RNF180: variants seen among roughly 807,000 people sequenced by gnomAD.
The protein encoded by RNF180 is ring finger protein 180.
Under a neutral mutation model 59.2 loss-of-function variants are expected in RNF180, and 38 were observed. The ratio of observed to expected loss-of-function variants is 0.64; its 90% CI spans 0.50 to 0.84. The LOEUF (loss-of-function observed/expected upper bound fraction) is 0.84, where lower values mean the gene tolerates loss of function less well. RNF180 is among the 40% of genes least tolerant of loss of function. RNF180 has a pLI of 0.00. For missense variants in RNF180, 705 were observed against 700.9 expected (o/e 1.01, Z -0.07); for synonymous variants, 262 against 240.3 (o/e 1.09, Z -0.84).
intron 5 of RNF180, among the ~76,000 whole-genome samples, chr5:64,274,702 GT>G (rs1243812252): frequency 2.0e-5 from 3 of 151,914 alleles, no homozygotes; most frequent in Non-Finnish European, 4.4e-5. Flanking sequence ...AGTTCTCCTG[GT>G]GACTCTCTTT....
chr5:64,331,561 C>T lies in RNF180; in HGVS notation c.1579+1155C>T, dbSNP rs1327102855. Among the ~76,000 whole-genome samples the T allele has an allele frequency of 2.0e-5, 3 of 152,090 alleles. No homozygotes were observed. The South Asian group carries it at 6.2e-4, about 32-fold the overall frequency. ...GCTGTAGAGACAGCGGGACAACCTG[C>T]CTGTGAATAGGAGATACCCACTGTG... On this transcript the variant is annotated intron_variant, in intron 7 of 7. Coordinates refer to ENST00000389100, the MANE Select transcript of RNF180 (RefSeq NM_001113561.2).
intron 5 of RNF180, among the ~76,000 whole-genome samples, chr5:64,268,694 A>C (rs529207863): frequency 2.0e-4 from 31 of 152,302 alleles, no homozygotes; most frequent in African/African-American, 7.5e-4. Flanking sequence ...AATTTCCTTC[A>C]AATGCAAAAT....
intron 7 of RNF180, among the ~76,000 whole-genome samples, chr5:64,361,605 A>C (rs1746255008): frequency 6.6e-6 from 1 of 151,562 alleles, no homozygotes; most frequent in Non-Finnish European, 1.5e-5. Context: ...TATGTCTCTT[A>C]CTTTAAAATA....
At position 64,183,403 on chromosome 5, in the gene RNF180, T is replaced by G. The variant is rs1750710343; in HGVS notation, c.1-17405T>G. ...TCAAATATATGAAGGATATACCACTTTCTGGCCTATTGCCTATTAAAAAGG... is the reference window on the plus strand; with the variant it reads ...TCAAATATATGAAGGATATACCACTGTCTGGCCTATTGCCTATTAAAAAGG... On this transcript the variant is annotated intron_variant, in intron 1 of 7. Coordinates refer to ENST00000389100, the MANE Select transcript of RNF180 (RefSeq NM_001113561.2). Among the ~76,000 whole-genome samples, 3 of 152,000 alleles carry G rather than the reference T, an allele frequency of 2.0e-5. No individual in the cohort carries two copies. In the South Asian group the frequency reaches 6.2e-4, roughly 32 times the overall value.
chr5:64,342,494 G>C (rs1439777684), intron 7 of RNF180, among the ~76,000 whole-genome samples: 1 of 152,018 alleles, frequency 6.6e-6, no homozygotes, highest in Non-Finnish European at 1.5e-5. Context: ...GAGAGCTTTG[G>C]GAGTAAAAAA....
intron 5 of RNF180, among the ~76,000 whole-genome samples, chr5:64,275,285 A>AAGAATAAGATTTAG (rs1741652476): frequency 7.1e-6 from 1 of 141,704 alleles, no homozygotes; most frequent in Admixed American, 7.2e-5. Flanking sequence ...TATGAAAAAT[A>AAGAATAAGATTTAG]AGAATAAGAT....
At chr5:64,241,183 A>G (rs1742787165) in intron 5 of RNF180, among the ~76,000 whole-genome samples, 1 of 152,212 alleles carries the variant, frequency 6.6e-6, no homozygotes, top group Non-Finnish European at 1.5e-5. Context: ...CTTAGCACCT[A>G]TTTCCAGCCT....
chr5:64,245,197 G>T (rs1166153615), intron 5 of RNF180, among the ~76,000 whole-genome samples: 1 of 152,132 alleles, frequency 6.6e-6, no homozygotes, highest in Non-Finnish European at 1.5e-5. Flanking sequence ...ACACTGTGAA[G>T]AAACCACATC....
chr5:64,185,000 C>T (rs898345505), intron 1 of RNF180, among the ~76,000 whole-genome samples: 2 of 152,160 alleles, frequency 1.3e-5, no homozygotes, highest in African/African-American at 4.8e-5. Flanking sequence ...TATCACAAAC[C>T]AAACTCCTGA....
chr5:64,261,796 T>C (rs1277095470), intron 5 of RNF180, among the ~76,000 whole-genome samples: 1 of 152,170 alleles, frequency 6.6e-6, no homozygotes, highest in Non-Finnish European at 1.5e-5. Flanking sequence ...GAATTTGCTG[T>C]AGCTAAGGAG....
chr5:64,220,737 C>G (rs1389863), intron 5 of RNF180, among the ~76,000 whole-genome samples: 7,473 of 152,014 alleles, frequency 0.049, 609 homozygotes, highest in African/African-American at 0.16. Flanking sequence ...GAAAATGTCT[C>G]TTTAAGGCCA....
intron 1 of RNF180, among the ~76,000 whole-genome samples, chr5:64,178,170 C>T (rs746323620): frequency 4.1e-4 from 59 of 143,588 alleles, no homozygotes; most frequent in Non-Finnish European, 1.0e-4. Flanking sequence ...CGCCACTGCA[C>T]TCCAGCCTGG....
rs116139591 is a variant in RNF180 at position 64,342,348 on chromosome 5, T to C, written c.1579+11942T>C. On this transcript the variant is annotated intron_variant, in intron 7 of 7. Transcript: ENST00000389100. ...TGGAAGTATTTTCTGAGTCTGAGGA[T>C]TAGTCTAGCCATGGGCAGAGGACTC... Among the ~76,000 whole-genome samples the C allele has an allele frequency of 8.0e-3, 1,225 of 152,246 alleles. 7 individuals are homozygous for C. Among genetic ancestry groups the C allele is most frequent in the Non-Finnish European group, 0.014 (944 of 67,998 alleles).
intron 7 of RNF180, among the ~76,000 whole-genome samples, chr5:64,350,262 T>G (rs1032213377): frequency 2.6e-5 from 4 of 152,168 alleles, no homozygotes; most frequent in East Asian, 3.9e-4. Flanking sequence ...GTGATGGGGT[T>G]GTTTTTTTTC....
intron 5 of RNF180, among the ~76,000 whole-genome samples, chr5:64,231,677 C>T (rs1742109908): frequency 6.6e-6 from 1 of 152,218 alleles, no homozygotes; most frequent in Admixed American, 6.5e-5. Context: ...TTAAGATTCT[C>T]TTCTTACTCA....
At chr5:64,174,959 C>CTTTTTTTTTTTTTTTT (rs370660214) in intron 1 of RNF180, among the ~76,000 whole-genome samples, 2 of 84,754 alleles carry the variant, frequency 2.4e-5, no homozygotes, top group African/African-American at 9.9e-5. Context: ...TAATCCAGTT[C>CTTTTTTTTTTTTTTTT]TTTTTTTTTT....
intron 5 of RNF180, among the ~76,000 whole-genome samples, chr5:64,320,965 G>T (rs901537031): frequency 6.6e-6 from 1 of 152,166 alleles, no homozygotes; most frequent in African/African-American, 2.4e-5. Flanking sequence ...ATGAACCCGG[G>T]AGGCGGAGCT....
intron 7 of RNF180, among the ~76,000 whole-genome samples, chr5:64,343,680 C>T (rs1745446157): frequency 6.6e-6 from 1 of 151,596 alleles, no homozygotes; most frequent in Non-Finnish European, 1.5e-5. Flanking sequence ...ACCACAGGAC[C>T]AAATGGTGGA....
At chr5:64,249,932 C>T (rs540467223) in intron 5 of RNF180, among the ~76,000 whole-genome samples, 2 of 151,860 alleles carry the variant, frequency 1.3e-5, no homozygotes, top group Non-Finnish European at 2.9e-5. Flanking sequence ...AATAAGGAAA[C>T]ATAAAACTTA....
Sources: gnomAD v4.1 joint callset for allele counts (sites outside exome capture counted in the v4.1 genomes callset) on GRCh38, gnomAD v4.1.1 for gene constraint, MANE v1.5 for transcripts, NCBI Gene and HGNC (gene_info 2026-07-23, HGNC 2026-07-21) for gene names.